The following SAMD5 variants were observed in gnomAD, a reference collection of about 807,000 sequenced individuals.
The protein encoded by SAMD5 is sterile alpha motif domain containing 5, also known as sterile alpha motif domain-containing protein 5.
In SAMD5, 13 loss-of-function variants were observed where a neutral mutation model predicts 11.3. That is an observed-to-expected ratio of 1.15 (90% CI 0.75 to 1.83). The LOEUF (loss-of-function observed/expected upper bound fraction) is 1.83. Among genes scored for constraint, SAMD5 ranks in the 40% most tolerant of loss-of-function variants. SAMD5 has a pLI of 0.00. For missense variants in SAMD5, 255 were observed against 239.1 expected, an observed-to-expected ratio of 1.07 and a Z score of -0.44; for synonymous variants, 129 against 111.3, an observed-to-expected ratio of 1.16 and a Z score of -1.00.
At chr6:147,798,015 C>T in the SAMD5 span, among the ~76,000 whole-genome samples, 1,101 of 151,422 alleles carry the variant, frequency 7.3e-3, 15 homozygotes, top group Middle Eastern at 0.041. Flanking sequence ...TTTCAAAAGA[C>T]CAGCTCCTGG....
At chr6:147,881,107 A>G in the SAMD5 span, among the ~76,000 whole-genome samples, 3 of 152,290 alleles carry the variant, frequency 2.0e-5, no homozygotes, top group African/African-American at 7.2e-5. Flanking sequence ...GGATGACCCA[A>G]TTCTACTATC....
At chr6:147,828,740 C>G in the SAMD5 span, among the ~76,000 whole-genome samples, 1 of 152,190 alleles carries the variant, frequency 6.6e-6, no homozygotes, top group African/African-American at 2.4e-5. Context: ...TTTATATGTA[C>G]GTCTGTCCTA....
intron 1 of SAMD5, among the ~76,000 whole-genome samples, chr6:147,671,554 T>TGGC (rs1415719405): frequency 1.3e-5 from 2 of 152,222 alleles, no homozygotes; most frequent in Admixed American, 1.3e-4. Context: ...GTTCCCAGAA[T>TGGC]GGCTGAAACA....
At chr6:147,905,590 A>G in the SAMD5 span, among the ~76,000 whole-genome samples, 548 of 152,334 alleles carry the variant, frequency 3.6e-3, 3 homozygotes, top group African/African-American at 0.013. Context: ...ATCACTGTCA[A>G]TGTGTTGGTA....
chr6:147,599,305 T>C (rs1343924154), intron 1 of SAMD5, among the ~76,000 whole-genome samples: 1 of 152,214 alleles, frequency 6.6e-6, no homozygotes, highest in Non-Finnish European at 1.5e-5. Flanking sequence ...AAGAGCTTTG[T>C]ATTTTCAGAC....
At chr6:147,797,448 T>A in the SAMD5 span, among the ~76,000 whole-genome samples, 3 of 94,610 alleles carry the variant, frequency 3.2e-5, 1 homozygote, top group East Asian at 1.0e-3. Flanking sequence ...AGCTTTTTGA[T>A]GTGCTGCTTG....
At chr6:147,537,009 A>G (rs1168292955) in intron 1 of SAMD5, among the ~76,000 whole-genome samples, 2 of 152,152 alleles carry the variant, frequency 1.3e-5, no homozygotes, top group Non-Finnish European at 2.9e-5. Context: ...TCTGTGGATG[A>G]CAGAAACATT....
At position 147,702,114 on chromosome 6, in the gene SAMD5, G is replaced by T. The variant is rs147166388; in HGVS notation, c.163-35203G>T. On this transcript the variant is annotated intron_variant, in intron 1 of 1. Transcript: ENST00000566741. ...CTCACCATCATGGCGGAAGACAAAA[G>T]AAGAGCAAAGGGACATCTTACATGG... Among the ~76,000 whole-genome samples, 476 of 152,324 alleles carry T rather than the reference G, an allele frequency of 3.1e-3. 1 individual carries two copies. The highest frequency in any genetic ancestry group is 4.9e-3 in the Non-Finnish European group (334 of 68,020).
chr6:147,941,236 A>G, the SAMD5 span, among the ~76,000 whole-genome samples: 2 of 152,182 alleles, frequency 1.3e-5, no homozygotes, highest in Non-Finnish European at 2.9e-5. Context: ...CAGGGAGTGT[A>G]GGTCTCTAAT....
the SAMD5 span, among the ~76,000 whole-genome samples, chr6:147,753,031 G>T: frequency 6.6e-6 from 1 of 152,166 alleles, no homozygotes; most frequent in Non-Finnish European, 1.5e-5. Flanking sequence ...AACAGAATTG[G>T]AATGTGATGC....
chr6:147,791,779 T>C, the SAMD5 span, among the ~76,000 whole-genome samples: 21 of 152,342 alleles, frequency 1.4e-4, no homozygotes, highest in African/African-American at 5.1e-4. Context: ...GATTATGTCT[T>C]TCCACATTAT....
chr6:147,533,055 T>C (rs1788453703), intron 1 of SAMD5, among the ~76,000 whole-genome samples: 1 of 152,060 alleles, frequency 6.6e-6, no homozygotes, highest in African/African-American at 2.4e-5. Context: ...ATGAAAGCAG[T>C]GCAGCCATGG....
intron 1 of SAMD5, among the ~76,000 whole-genome samples, chr6:147,594,823 G>C (rs1370408061): frequency 1.3e-5 from 2 of 152,192 alleles, no homozygotes; most frequent in African/African-American, 2.4e-5. Flanking sequence ...TCAAGAGGTT[G>C]AAGTAGCCTC....
chr6:147,525,943 G>A (rs1372863182), intron 1 of SAMD5, among the ~76,000 whole-genome samples: 1 of 152,130 alleles, frequency 6.6e-6, no homozygotes, highest in Non-Finnish European at 1.5e-5. Flanking sequence ...ATTTCAACAA[G>A]CAGCAGGTAT....
At chr6:147,590,843 A>G (rs1045683783) in intron 1 of SAMD5, among the ~76,000 whole-genome samples, 1 of 152,232 alleles carries the variant, frequency 6.6e-6, no homozygotes, top group Non-Finnish European at 1.5e-5. Flanking sequence ...ACCTACTGGT[A>G]TCTGTTTTCC....
chr6:147,706,566 A>AGTTGACTTTTGT (rs1791327972), intron 1 of SAMD5, among the ~76,000 whole-genome samples: 1 of 152,220 alleles, frequency 6.6e-6, no homozygotes, highest in South Asian at 2.1e-4. Flanking sequence ...AAAACAGTAT[A>AGTTGACTTTTGT]GTTGACTTTT....
chr6:147,887,240 T>TAC, the SAMD5 span, among the ~76,000 whole-genome samples: 1 of 152,142 alleles, frequency 6.6e-6, no homozygotes, highest in Admixed American at 6.5e-5. Context: ...GGACTACATA[T>TAC]ACACACACAC....
chr6:147,762,362 C>A, the SAMD5 span, among the ~76,000 whole-genome samples: 1 of 151,766 alleles, frequency 6.6e-6, no homozygotes, highest in Admixed American at 6.6e-5. Flanking sequence ...CCACATCCAG[C>A]TAATTTTTGT....
the SAMD5 span, among the ~76,000 whole-genome samples, chr6:147,943,231 CTG>C: frequency 6.6e-6 from 1 of 152,162 alleles, no homozygotes; most frequent in African/African-American, 2.4e-5. Flanking sequence ...ATCATTTTAT[CTG>C]TGTTTTTAGA....
Sources: allele counts gnomAD v4.1 joint callset (sites outside exome capture counted in the v4.1 genomes callset), GRCh38; gene constraint gnomAD v4.1.1; transcripts MANE v1.5; gene names NCBI Gene and HGNC (gene_info 2026-07-23, HGNC 2026-07-21).